Variants in ANKDD1A observed in about 807,000 individuals in gnomAD.
ANKDD1A encodes ankyrin repeat and death domain-containing protein 1A.
A neutral mutation model predicts 63.5 loss-of-function variants in ANKDD1A; 59 were observed. The observed-to-expected ratio is 0.93, with a 90% CI of 0.75 to 1.15. ANKDD1A has a LOEUF of 1.15. Ranked by LOEUF, ANKDD1A falls within the 50% of genes most tolerant of loss-of-function variation. The pLI, the probability that ANKDD1A is intolerant of heterozygous loss-of-function variation, is 0.00. For missense variants in ANKDD1A, 632 were observed against 656.4 expected (o/e 0.96, Z 0.41); for synonymous variants, 266 against 263.9 (o/e 1.01, Z -0.08).
intron 9 of ANKDD1A, among the ~76,000 whole-genome samples, chr15:64,939,045 C>G (rs541108880): frequency 3.3e-5 from 5 of 151,828 alleles, no homozygotes; most frequent in African/African-American, 1.2e-4. Flanking sequence ...AAACATCATA[C>G]TAATTAAGAT....
chr15:64,952,066 CT>C (rs923832353), intron 14 of ANKDD1A, among the ~76,000 whole-genome samples: 56 of 4,164 alleles, frequency 0.013, no homozygotes, highest in Non-Finnish European at 0.1. Flanking sequence ...TTAGTTCTTC[CT>C]TTCTTCTTCT....
In ANKDD1A at chr15:64,943,571, C is replaced by T. The variant is rs777199869; in HGVS notation, c.1054C>T (p.Leu352=). Residue 352 remains leucine (L), a synonymous_variant, in exon 11 of 15, where the codon CTG becomes TTG. Transcript: ENST00000319580. ...MLLIAGVDLN[L]RDKQGKTALA... ...CCTCATTGCTGGGGTTGACTTAAAC[C>T]TGAGAGATAAGGTACCTCTGCTTAC... is the stretch of plus-strand genomic sequence containing the variant. 5 of 1,614,168 alleles carry T rather than the reference C, an allele frequency of 3.1e-6. No individual in the cohort carries two copies. In the Admixed American group the frequency reaches 5.0e-5, roughly 16 times the overall value.
chr15:64,920,574 G>A (rs551105023), intron 3 of ANKDD1A, among the ~76,000 whole-genome samples: 2 of 152,224 alleles, frequency 1.3e-5, no homozygotes, highest in African/African-American at 2.4e-5. Context: ...ATTTTTGAGA[G>A]AGGCTCTCAC....
In ANKDD1A at chr15:64,953,615, C is replaced by CTTCTTCTTCTTCTTAGTTCTTCTTAG. The variant is rs1555397854; in HGVS notation, c.1484-3474_1484-3473insAGTTCTTCTTAGTTCTTCTTCTTCTT. Among the ~76,000 whole-genome samples the CTTCTTCTTCTTCTTAGTTCTTCTTAG allele has an allele frequency of 2.8e-3, 303 of 108,998 alleles. 7 individuals carry two copies. Among genetic ancestry groups the CTTCTTCTTCTTCTTAGTTCTTCTTAG allele is most frequent in the African/African-American group, 0.011 (297 of 27,348 alleles). 71.5% of individuals were successfully genotyped at this position (108,998 alleles called of 152,430 possible). A position where few individuals can be genotyped will look rare whatever the true frequency, so the allele number is the denominator to read the frequency against. ...TTCTCCTTTTCTTCTTTCTTCTCTC[C>CTTCTTCTTCTTCTTAGTTCTTCTTAG]TTCTTCTTCTTCTTCCTTCTTCTTC... is the stretch of plus-strand genomic sequence containing the variant. On this transcript the variant is annotated intron_variant, in intron 14 of 14. Coordinates refer to ENST00000319580, the MANE Select transcript of ANKDD1A (RefSeq NM_182703.6).
intron 4 of ANKDD1A, 21 bp downstream of exon 4, chr15:64,922,040 C>A: frequency 6.2e-7 from 1 of 1,609,494 alleles, no homozygotes; most frequent in Non-Finnish European, 8.5e-7. Context: ...AGCTGGTAGA[C>A]CCCTGTCCCC....
At position 64,953,001 on chromosome 15, in the gene ANKDD1A, G is replaced by GCTCC. The variant is rs2085328219; in HGVS notation, c.1483+3029_1483+3030insCTCC. Among the ~76,000 whole-genome samples the GCTCC allele has an allele frequency of 1.5e-3, 213 of 141,066 alleles. 1 individual carries two copies. The highest frequency in any genetic ancestry group is 5.3e-3 in the African/African-American group (201 of 37,994). 92.5% of individuals were successfully genotyped at this position (141,066 alleles called of 152,430 possible). ...TTGTCTCTCCTTCTTCTCCTTCTTA[G>GCTCC]TTCTTTCTTCTCCTTGTTCTTCTCC... On this transcript the variant is annotated intron_variant, in intron 14 of 14. Transcript: ENST00000319580.
chr15:64,941,786 G>C (rs947274036), intron 9 of ANKDD1A, among the ~76,000 whole-genome samples: 3 of 152,114 alleles, frequency 2.0e-5, no homozygotes, highest in Non-Finnish European at 4.4e-5. Flanking sequence ...ATTTACTCAG[G>C]GGGCCACAGG....
chr15:64,926,075 A>T lies in ANKDD1A; in HGVS notation c.376A>T (p.Thr126Ser), dbSNP rs370741874. 16 of 1,613,200 alleles carry T rather than the reference A, an allele frequency of 9.9e-6. No individual in the cohort carries two copies. Among genetic ancestry groups the T allele is most frequent in the Non-Finnish European group, 1.2e-5 (14 of 1,179,786 alleles). ...KIHCESKDGL[T>S]LLHCAAQKGH... is the part of the protein sequence containing the mutation. ...CTGCACTTGTTTCCAGGATGGCCTGACCTTACTGCACTGCGCAGCCCAAAA... is the reference window on the plus strand; with the variant it reads ...CTGCACTTGTTTCCAGGATGGCCTGTCCTTACTGCACTGCGCAGCCCAAAA... Residue 126 changes from threonine to serine, a missense_variant, in exon 5 of 15, where the codon ACC (threonine) becomes TCC (serine). Coordinates refer to ENST00000319580, the MANE Select transcript of ANKDD1A (RefSeq NM_182703.6).
chr15:64,943,659 C>T (rs1011207193), intron 11 of ANKDD1A, 77 bp downstream of exon 11: 2 of 1,231,558 alleles, frequency 1.6e-6, no homozygotes, highest in Non-Finnish European at 2.3e-6. Context: ...ACGAATGCCC[C>T]CTCCCTCCTC....
chr15:64,931,568 G>A lies in ANKDD1A; in HGVS notation c.751G>A (p.Val251Met), dbSNP rs747741954. The change falls in exon 8 of 15, where the codon GTG (valine) becomes ATG (methionine). Residue 251 changes from valine to methionine, a missense_variant. Physicochemically the swap from Val to Met is conservative, Grantham distance 21. Coordinates refer to ENST00000319580, the MANE Select transcript of ANKDD1A (RefSeq NM_182703.6). ...VQLLLRAGST[V>M]NALTQKNLSC... ...GCTCCTCCTCAGGGCTGGGAGCACC[G>A]TGAATGCCCTCACCCAGGTAGCCAG... 6.2e-6 allele frequency: 10 copies of A among 1,613,926 alleles called. No individual in the cohort carries two copies. Among genetic ancestry groups the A allele is most frequent in the Admixed American group, 3.3e-5 (2 of 60,024 alleles).
At chr15:64,945,995 C>T (rs2085220210) in intron 12 of ANKDD1A, among the ~76,000 whole-genome samples, 1 of 152,000 alleles carries the variant, frequency 6.6e-6, no homozygotes. Context: ...GTTGAATCTG[C>T]TAAGTTACAA....
chr15:64,943,164 A>T (rs926574309), intron 10 of ANKDD1A: 2 of 301,980 alleles, frequency 6.6e-6, no homozygotes, highest in African/African-American at 4.3e-5. Flanking sequence ...CTTCAATTTG[A>T]AAATGGCCTA....
rs2085374836 is a variant in ANKDD1A, at chr15:64,954,108, TTCCTTTCTTTTC to T, written c.1484-2985_1484-2974del. Among the ~76,000 whole-genome samples the T allele has an allele frequency of 7.8e-5, 11 of 141,304 alleles. No homozygotes were observed. In the South Asian group the frequency reaches 2.2e-3, roughly 29 times the overall value. 92.7% of individuals were successfully genotyped at this position (141,304 alleles called of 152,430 possible). On this transcript the variant is annotated intron_variant, in intron 14 of 14. Coordinates refer to ENST00000319580, the MANE Select transcript of ANKDD1A (RefSeq NM_182703.6). ...CTTCTTTCTCCTCCCTCTTTTCTTC[TTCCTTTCTTTTC>T]TCCTTTCTTCTTCCTCTTTCTTCTT...
intron 10 of ANKDD1A, chr15:64,943,269 T>C: frequency 3.7e-6 from 2 of 547,214 alleles, no homozygotes; most frequent in Middle Eastern, 4.8e-4. Flanking sequence ...TCAGAGTTTA[T>C]AGTACACAAA....
intron 14 of ANKDD1A, among the ~76,000 whole-genome samples, chr15:64,956,002 T>C (rs2085413288): frequency 6.6e-6 from 1 of 152,132 alleles, no homozygotes; most frequent in African/African-American, 2.4e-5. Context: ...AAATAGAGTA[T>C]GTTCCATCCA....
chr15:64,949,407 T>C (rs768313657), intron 13 of ANKDD1A, among the ~76,000 whole-genome samples: 23 of 152,208 alleles, frequency 1.5e-4, no homozygotes, highest in African/African-American at 2.4e-4. Flanking sequence ...GCTCCATCTC[T>C]GACTAAGCTG....
At chr15:64,917,201 G>A (rs1033915664) in intron 2 of ANKDD1A, among the ~76,000 whole-genome samples, 185 bp from the exon 3 acceptor site, 1 of 152,164 alleles carries the variant, frequency 6.6e-6, no homozygotes, top group Non-Finnish European at 1.5e-5. Flanking sequence ...TACTATGTTG[G>A]CTCTGGCTGC....
At chr15:64,921,651 A>G (rs997557346) in intron 3 of ANKDD1A, among the ~76,000 whole-genome samples, 2 of 152,200 alleles carry the variant, frequency 1.3e-5, no homozygotes, top group African/African-American at 4.8e-5. Flanking sequence ...CTGGGATTAC[A>G]GGCGTGAGCC....
chr15:64,933,236 C>G (rs956662033), intron 8 of ANKDD1A, among the ~76,000 whole-genome samples: 2 of 152,164 alleles, frequency 1.3e-5, no homozygotes, highest in African/African-American at 4.8e-5. Flanking sequence ...GCTAGCTAGT[C>G]CTGGTTTGCC....
Sources: allele counts gnomAD v4.1 joint callset (sites outside exome capture counted in the v4.1 genomes callset), GRCh38; gene constraint gnomAD v4.1.1; transcripts MANE v1.5; gene names NCBI Gene and HGNC (gene_info 2026-07-23, HGNC 2026-07-21).